The following MDFIC variants were observed in gnomAD, a reference collection of about 807,000 sequenced individuals.
The protein encoded by MDFIC is MyoD family inhibitor domain containing.
A neutral mutation model predicts 23.2 loss-of-function variants in MDFIC; 17 were observed. The ratio of observed to expected loss-of-function variants is 0.73; its 90% CI spans 0.50 to 1.10. The LOEUF is 1.10. Ranked by LOEUF, MDFIC falls within the 50% of genes least tolerant of loss-of-function variation. The pLI is 0.00. For synonymous variants in MDFIC, 120 were observed against 115.2 expected (o/e 1.04, Z -0.27); for missense variants, 356 against 316.6 (o/e 1.12, Z -0.95).
rs1175465640 is a variant in MDFIC at position 114,942,395 on chromosome 7, GAAGT to G, written c.217+4_217+7del. ...AATCCTTCGGATGGTGAACTCATTA[GAAGT>G]AAGTATTTTTAGAAAAAACTTTGAG... On this transcript the variant is annotated splice_donor_variant and coding_sequence_variant, in exon 3 of 5. Transcript: ENST00000393486. LOFTEE classifies it high-confidence loss of function. The G allele has an allele frequency of 6.4e-7, 1 of 1,570,864 alleles. No individual in the cohort carries two copies.
chr7:114,948,813 G>A (rs1020694516), intron 3 of MDFIC, among the ~76,000 whole-genome samples: 5 of 151,994 alleles, frequency 3.3e-5, no homozygotes, highest in African/African-American at 1.2e-4. Context: ...TTGTAAATTG[G>A]AATTTGCTCA....
At chr7:114,962,303 A>G (rs1048780847) in intron 3 of MDFIC, among the ~76,000 whole-genome samples, 1 of 152,232 alleles carries the variant, frequency 6.6e-6, no homozygotes, top group Non-Finnish European at 1.5e-5. Context: ...TTTGAAAATG[A>G]TCTTTGATAA....
At chr7:114,957,125 A>G (rs1156315996) in intron 3 of MDFIC, among the ~76,000 whole-genome samples, 3 of 152,214 alleles carry the variant, frequency 2.0e-5, no homozygotes, top group African/African-American at 4.8e-5. Flanking sequence ...TAGTCTGGCT[A>G]AATGGTACAG....
At position 114,979,758 on chromosome 7, in the gene MDFIC, A is replaced by G. The variant is rs2115961895; in HGVS notation, c.470A>G (p.Gln157Arg). The change falls in exon 4 of 5, where the codon CAA (glutamine) becomes CGA (arginine). Residue 157 changes from glutamine to arginine, a missense_variant. Gln to Arg is a conservative substitution (Grantham distance 43). Coordinates refer to ENST00000393486, the MANE Select transcript of MDFIC (RefSeq NM_001166345.3). ...KKSKVNAVFSQKTGSSPEDCC... is the reference protein window; with the variant it reads ...KKSKVNAVFSRKTGSSPEDCC... ...AGCAAAGTAAATGCTGTCTTTTCCC[A>G]AAAGACAGGCTCTTCACCTGAAGGT... is the stretch of plus-strand genomic sequence containing the variant. 4.3e-6 allele frequency: 7 copies of G among 1,613,844 alleles called. No homozygotes were observed. In the South Asian group the frequency reaches 7.7e-5, roughly 18 times the overall value.
At chr7:114,942,178 A>G in intron 2 of MDFIC, 97 bp from the exon 3 acceptor site, 1 of 742,680 alleles carries the variant, frequency 1.3e-6, no homozygotes, top group East Asian at 3.4e-5. Flanking sequence ...TCCTTAAATT[A>G]TGGCAGACTT....
intron 4 of MDFIC, among the ~76,000 whole-genome samples, chr7:114,999,738 A>G (rs1355578015): frequency 6.7e-6 from 1 of 149,122 alleles, no homozygotes; most frequent in African/African-American, 2.5e-5. Flanking sequence ...AGATTCACTT[A>G]TGAACCTCCA....
intron 4 of MDFIC, among the ~76,000 whole-genome samples, chr7:114,986,664 C>T (rs566120094): frequency 6.6e-6 from 1 of 152,344 alleles, no homozygotes; most frequent in East Asian, 1.9e-4. Context: ...CCTCTCCCCT[C>T]AGCCTGGTAT....
chr7:114,945,216 ACTGTTAG>A (rs1468473625), intron 3 of MDFIC, among the ~76,000 whole-genome samples: 1 of 152,044 alleles, frequency 6.6e-6, no homozygotes, highest in East Asian at 1.9e-4. Context: ...TTTATAGGGG[ACTGTTAG>A]CTGTCAGTGT....
At chr7:114,965,058 G>A (rs755194793) in intron 3 of MDFIC, among the ~76,000 whole-genome samples, 17 of 152,184 alleles carry the variant, frequency 1.1e-4, no homozygotes, top group South Asian at 4.1e-4. Flanking sequence ...AGAGGAGGGA[G>A]CCACAAGGTT....
chr7:114,922,994 T>G lies in MDFIC; in HGVS notation c.-40T>G. 2 of 1,517,146 alleles carry G rather than the reference T, an allele frequency of 1.3e-6. No homozygotes were observed. The highest frequency in any genetic ancestry group is 2.8e-5 in the East Asian group (1 of 35,796). 94.0% of individuals were successfully genotyped at this position (1,517,146 alleles called of 1,614,324 possible). A position where few individuals can be genotyped will look rare whatever the true frequency, so the allele number is the denominator to read the frequency against. On this transcript the variant is annotated 5_prime_UTR_variant, in exon 2 of 5. It removes the in-frame stop codon of an upstream open reading frame in the 5' UTR. Transcript: ENST00000393486. ...CCGTGCGCCCTGCCGGGCGGCGAGC[T>G]AGGCGGCAGCGGCGCGGCGCGGGCT...
At chr7:114,951,958 C>T (rs1474933586) in intron 3 of MDFIC, among the ~76,000 whole-genome samples, 1 of 152,130 alleles carries the variant, frequency 6.6e-6, no homozygotes, top group Non-Finnish European at 1.5e-5. Context: ...AGAACAACAG[C>T]AAAGCATTAA....
chr7:114,989,222 T>C (rs1052289511), intron 4 of MDFIC, among the ~76,000 whole-genome samples: 4 of 152,144 alleles, frequency 2.6e-5, no homozygotes, highest in African/African-American at 9.7e-5. Context: ...AAGAGAACTA[T>C]ATCAAGGTGC....
intron 4 of MDFIC, among the ~76,000 whole-genome samples, chr7:114,989,066 C>T (rs770011958): frequency 6.6e-6 from 1 of 151,928 alleles, no homozygotes; most frequent in Non-Finnish European, 1.5e-5. Context: ...AGAGTAAGGC[C>T]ATACTGATAA....
chr7:114,937,402 T>C (rs1440381516), intron 2 of MDFIC, among the ~76,000 whole-genome samples: 2 of 152,256 alleles, frequency 1.3e-5, no homozygotes, highest in African/African-American at 2.4e-5. Context: ...TCCAATGCCC[T>C]ACAATGGCTT....
At chr7:114,932,090 A>G (rs1006027920) in intron 2 of MDFIC, among the ~76,000 whole-genome samples, 6 of 152,204 alleles carry the variant, frequency 3.9e-5, no homozygotes, top group African/African-American at 1.4e-4. Flanking sequence ...TGTACTATTT[A>G]TTTCTCATGG....
At chr7:114,925,581 G>A (rs1191973140) in intron 2 of MDFIC, among the ~76,000 whole-genome samples, 3 of 152,166 alleles carry the variant, frequency 2.0e-5, no homozygotes. Context: ...AGGGACATAA[G>A]CTTACATGCT....
chr7:114,943,368 GA>G lies in MDFIC; in HGVS notation c.217+980del, dbSNP rs959757787. On this transcript the variant is annotated intron_variant, in intron 3 of 4. Transcript: ENST00000393486. ...ACTGAAAACTAAACAAAATAAATTA[GA>G]AAAAAAAAGGAAGAGGGTCCAACTT... is the stretch of plus-strand genomic sequence containing the variant. Among the ~76,000 whole-genome samples, 7 of 148,056 alleles carry G rather than the reference GA, an allele frequency of 4.7e-5. No homozygotes were observed. The South Asian group carries it at 6.4e-4, about 14-fold the overall frequency.
intron 4 of MDFIC, chr7:114,980,061 T>A: frequency 2.3e-6 from 1 of 436,018 alleles, no homozygotes; most frequent in Non-Finnish European, 4.2e-6. Context: ...CATTTAAAAA[T>A]ATAAATACAA....
At position 115,017,874 on chromosome 7, in the gene MDFIC, G is replaced by A. The variant is rs1025971898; in HGVS notation, c.*1939G>A. 5 of 151,928 alleles carry A rather than the reference G, an allele frequency of 3.3e-5. No homozygotes were observed. Among genetic ancestry groups the A allele is most frequent in the Admixed American group, 1.3e-4 (2 of 15,252 alleles). The allele number at this position is 151,928 out of a possible 1,614,324, so 9.4% of individuals were successfully genotyped here. A position where few individuals can be genotyped will look rare whatever the true frequency, so the allele number is the denominator to read the frequency against. ...GAAGCATAATTTTAGGAAGGCTTTC[G>A]CAAACCTAGCCTTTTAAGAGAGGTT... On this transcript the variant is annotated 3_prime_UTR_variant, in exon 5 of 5. Transcript: ENST00000393486.
Sources: allele counts gnomAD v4.1 joint callset (sites outside exome capture counted in the v4.1 genomes callset), GRCh38; gene constraint gnomAD v4.1.1; transcripts MANE v1.5; gene names NCBI Gene and HGNC (gene_info 2026-07-23, HGNC 2026-07-21).